Variants in PCDHGA7 observed in about 807,000 individuals in gnomAD.
The protein encoded by PCDHGA7 is protocadherin gamma subfamily A, 7, also known as protocadherin gamma-A7.
PCDHGA7 carries 44 observed loss-of-function variants against 58.3 expected under a neutral mutation model. That is an observed-to-expected ratio of 0.75 (90% confidence interval 0.59 to 0.97). PCDHGA7 has a LOEUF of 0.97. Among genes scored for constraint, PCDHGA7 ranks in the 50% least tolerant of loss-of-function variants. The pLI is 0.00. For synonymous variants in PCDHGA7, 516 were observed against 504.2 expected (o/e 1.02, Z -0.31); for missense variants, 1,266 against 1,188.7 (o/e 1.06, Z -0.96).
intron 1 of PCDHGA7, among the ~76,000 whole-genome samples, chr5:141,407,444 C>G (rs578101282): frequency 6.7e-6 from 1 of 150,116 alleles, no homozygotes; most frequent in South Asian, 2.1e-4. Flanking sequence ...AAAACCAGAA[C>G]ACGAGGCTCA....
At chr5:141,389,240 G>A (rs903029281) in intron 1 of PCDHGA7, 4 of 1,613,902 alleles carry the variant, frequency 2.5e-6, no homozygotes, top group African/African-American at 1.3e-5. Context: ...TTTTCTCACA[G>A]TCTTCCTATA....
At chr5:141,391,253 T>C (rs1157052865) in intron 1 of PCDHGA7, 1 of 152,146 alleles carries the variant, frequency 6.6e-6, no homozygotes, top group Non-Finnish European at 1.5e-5. Flanking sequence ...AAGCAACTGC[T>C]TCAGTTAATG....
chr5:141,398,975 G>A, intron 1 of PCDHGA7: 2 of 1,613,926 alleles, frequency 1.2e-6, no homozygotes, highest in Middle Eastern at 1.6e-4. Context: ...TCCTTCTACA[G>A]AACCGGGCAA....
At chr5:141,418,802 T>C in intron 1 of PCDHGA7, 1 of 1,613,862 alleles carries the variant, frequency 6.2e-7, no homozygotes, top group Non-Finnish European at 8.5e-7. Flanking sequence ...AGTAGAAAGA[T>C]ATACGATAAA....
chr5:141,501,182 C>A (rs531641143), intron 2 of PCDHGA7, among the ~76,000 whole-genome samples: 1 of 152,126 alleles, frequency 6.6e-6, no homozygotes, highest in Non-Finnish European at 1.5e-5. Context: ...TACATTTTAA[C>A]ACAATTAAAT....
rs1455759096 is a variant in PCDHGA7, at chr5:141,489,539, C to T, written c.2425-5268C>T. 6.2e-7 allele frequency: 1 copy of T among 1,613,980 alleles called. No individual in the cohort carries two copies. Among genetic ancestry groups the T allele is most frequent in the African/African-American group, 1.3e-5 (1 of 74,912 alleles). On this transcript the variant is annotated intron_variant, in intron 1 of 3. Coordinates refer to ENST00000518325, the MANE Select transcript of PCDHGA7 (RefSeq NM_018920.4). This position sits in a 1 kb window ranked among gnomAD's most constrained non-coding sequence, Gnocchi z 4.5. Reference sequence around the variant, plus strand: ...CGAGAAAGCCTATGTGGAGCCAGCACCAGCTGCCTGCTGCCAGTGCAGGTG... The same window carrying T: ...CGAGAAAGCCTATGTGGAGCCAGCATCAGCTGCCTGCTGCCAGTGCAGGTG...
At position 141,384,552 on chromosome 5, in the gene PCDHGA7, C is replaced by A. The variant is rs752995629; in HGVS notation, c.1653C>A (p.Phe551Leu). ...PLSSNMSLSL[F>L]VLDQNDNPPE... ...GCAGCAACATGTCACTGAGCCTGTTCGTGCTGGACCAGAATGACAACCCGC... is the reference window on the plus strand; with the variant it reads ...GCAGCAACATGTCACTGAGCCTGTTAGTGCTGGACCAGAATGACAACCCGC... Residue 551 changes from phenylalanine to leucine, a missense_variant, in exon 1 of 4, where the codon TTC (phenylalanine) becomes TTA (leucine). By Grantham distance (22) the Phe-to-Leu change is conservative. Transcript: ENST00000518325. 1.4e-5 allele frequency: 22 copies of A among 1,614,148 alleles called. No individual in the cohort carries two copies. In the Admixed American group the frequency reaches 3.0e-4, roughly 22 times the overall value.
At chr5:141,452,084 C>CGG (rs1561946918) in intron 1 of PCDHGA7, among the ~76,000 whole-genome samples, 1 of 152,170 alleles carries the variant, frequency 6.6e-6, no homozygotes, top group Non-Finnish European at 1.5e-5. Context: ...TGGCATTATA[C>CGG]AGTAAGAAAG....
intron 1 of PCDHGA7, chr5:141,414,601 T>A: frequency 6.2e-7 from 1 of 1,613,944 alleles, no homozygotes; most frequent in Non-Finnish European, 8.5e-7. Flanking sequence ...TGCCTCCATC[T>A]TCTCAGTGAC....
chr5:141,394,946 T>A (rs759854662), intron 1 of PCDHGA7: 1 of 1,613,768 alleles, frequency 6.2e-7, no homozygotes, highest in East Asian at 2.2e-5. Flanking sequence ...TCGCTGTGCT[T>A]CTGGGGCTCA....
chr5:141,401,408 A>T (rs943963302), intron 1 of PCDHGA7, among the ~76,000 whole-genome samples: 9 of 152,200 alleles, frequency 5.9e-5, no homozygotes, highest in African/African-American at 1.7e-4. Context: ...TATGAGAGAG[A>T]AAGAGAGAGA....
At chr5:141,416,245 C>T (rs1029299377) in intron 1 of PCDHGA7, 1 of 152,234 alleles carries the variant, frequency 6.6e-6, no homozygotes, top group Non-Finnish European at 1.5e-5. Flanking sequence ...CTATTTATAA[C>T]TGATAACACT....
At chr5:141,428,540 C>T (rs1561836755) in intron 1 of PCDHGA7, 6 of 268,146 alleles carry the variant, frequency 2.2e-5, no homozygotes, top group South Asian at 8.6e-5. Context: ...CTCACCATGA[C>T]ACCAGAAACA....
intron 2 of PCDHGA7, among the ~76,000 whole-genome samples, chr5:141,501,942 C>T (rs1012840550): frequency 2.6e-5 from 4 of 152,136 alleles, no homozygotes; most frequent in Non-Finnish European, 4.4e-5. Context: ...CACCACTGCT[C>T]CCTGTGACAG....
rs768206517 is a variant in PCDHGA7 at position 141,432,482 on chromosome 5, G to C, written c.2424+47159G>C. 6.2e-7 allele frequency: 1 copy of C among 1,614,178 alleles called. No individual in the cohort carries two copies. Among genetic ancestry groups the C allele is most frequent in the South Asian group, 1.1e-5 (1 of 91,074 alleles). ...CCTCCCCACGGACGGTTCCACTGGC[G>C]TGGAGCTGGCTCCCCGCTCCGCAGA... On this transcript the variant is annotated intron_variant, in intron 1 of 3. Coordinates refer to ENST00000518325, the MANE Select transcript of PCDHGA7 (RefSeq NM_018920.4). The surrounding 1 kb of genome is among the most constrained non-coding windows in gnomAD (Gnocchi z 6.0).
intron 1 of PCDHGA7, chr5:141,414,929 C>T (rs2095802879): frequency 6.2e-7 from 1 of 1,614,152 alleles, no homozygotes; most frequent in Non-Finnish European, 8.5e-7. Context: ...GCGCCCCGCT[C>T]CGCAGAGCCC....
chr5:141,492,146 C>T (rs979485619), intron 1 of PCDHGA7, among the ~76,000 whole-genome samples: 3 of 152,242 alleles, frequency 2.0e-5, no homozygotes, highest in African/African-American at 4.8e-5. Flanking sequence ...TGTGACTTCA[C>T]TGTTACCCTC....
intron 1 of PCDHGA7, chr5:141,433,063 G>T (rs1411651811): frequency 3.1e-6 from 5 of 1,614,176 alleles, no homozygotes; most frequent in Non-Finnish European, 4.2e-6. Flanking sequence ...AGAGTCACCT[G>T]ATCTTCCCCC....
chr5:141,480,533 G>A (rs2099521308), intron 1 of PCDHGA7, among the ~76,000 whole-genome samples: 1 of 127,758 alleles, frequency 7.8e-6, no homozygotes, highest in African/African-American at 3.6e-5. Flanking sequence ...CAAAGTAGAA[G>A]CACATATGAA....
Sources: gnomAD v4.1 joint callset for allele counts (sites outside exome capture counted in the v4.1 genomes callset) on GRCh38, gnomAD v4.1.1 for gene constraint, Gnocchi (gnomAD v3.1) non-coding constraint, MANE v1.5 for transcripts, NCBI Gene and HGNC (gene_info 2026-07-23, HGNC 2026-07-21) for gene names.